KDM3A: variants seen among roughly 807,000 people sequenced by gnomAD.
KDM3A encodes lysine-specific demethylase 3A.
A neutral mutation model predicts 158.0 loss-of-function variants in KDM3A; 60 were observed. The observed-to-expected ratio is 0.38, with a 90% CI of 0.31 to 0.47. The LOEUF (loss-of-function observed/expected upper bound fraction) is 0.47, where lower values mean the gene tolerates loss of function less well. Among genes scored for constraint, KDM3A ranks in the 20% least tolerant of loss-of-function variants. The pLI, the probability that KDM3A is intolerant of heterozygous loss-of-function variation, is 0.99. For missense variants in KDM3A, 1,319 were observed against 1,574.3 expected, an observed-to-expected ratio of 0.84 and a Z score of 2.74; for synonymous variants, 608 against 549.3, an observed-to-expected ratio of 1.11 and a Z score of -1.49.
At chr2:86,483,865 C>T (rs1674056192) in intron 18 of KDM3A, 122 bp from the exon 19 acceptor site, 1 of 764,352 alleles carries the variant, frequency 1.3e-6, no homozygotes, top group Admixed American at 2.9e-5. Flanking sequence ...GTCACATCAC[C>T]ATCTGAGACG....
chr2:86,475,694 A>G (rs1410761542), intron 12 of KDM3A, among the ~76,000 whole-genome samples: 3 of 152,234 alleles, frequency 2.0e-5, no homozygotes, highest in Admixed American at 1.3e-4. Context: ...ACCATGGGGC[A>G]TCTGTCTTGT....
At chr2:86,463,219 AGAAAGGTATAT>A (rs1672996332) in intron 8 of KDM3A, among the ~76,000 whole-genome samples, 1 of 152,204 alleles carries the variant, frequency 6.6e-6, no homozygotes, top group African/African-American at 2.4e-5. Context: ...AAGACGATTG[AGAAAGGTATAT>A]GACTTAAAAA....
At chr2:86,487,246 A>G in intron 21 of KDM3A, 1 of 152,232 alleles carries the variant, frequency 6.6e-6, no homozygotes, top group Non-Finnish European at 1.5e-5. Context: ...CCTAGACACT[A>G]ATAGATGGCA....
chr2:86,441,636 G>T (rs968433004), intron 1 of KDM3A, 192 bp downstream of exon 1: 1 of 150,654 alleles, frequency 6.6e-6, no homozygotes, highest in East Asian at 2.0e-4. Context: ...ACCCTCCCCC[G>T]TGGGGCCGCC....
upstream of KDM3A, chr2:86,440,669 T>C (rs959984652): frequency 6.6e-6 from 1 of 152,258 alleles, no homozygotes; most frequent in Admixed American, 6.5e-5. Flanking sequence ...CTCCACGCCT[T>C]TCTTCATTTA....
intron 2 of KDM3A, 36 bp downstream of exon 2, chr2:86,442,269 T>C: frequency 6.4e-7 from 1 of 1,574,368 alleles, no homozygotes; most frequent in Non-Finnish European, 8.7e-7. Context: ...ACCGGACGTT[T>C]CGCAGTTACC....
At chr2:86,449,704 G>C in intron 2 of KDM3A, 103 bp from the exon 3 acceptor site, 1 of 1,262,496 alleles carries the variant, frequency 7.9e-7, no homozygotes, top group Non-Finnish European at 1.1e-6. Context: ...CCAGATAAAG[G>C]ATTCAAATAG....
At chr2:86,464,769 G>A (rs1019320368) in intron 9 of KDM3A, among the ~76,000 whole-genome samples, 2 of 152,250 alleles carry the variant, frequency 1.3e-5, no homozygotes, top group African/African-American at 4.8e-5. Context: ...AAGGTTGACA[G>A]AGCAAGTAGT....
chr2:86,485,674 A>G, intron 20 of KDM3A, 55 bp from the exon 21 acceptor site: 1 of 1,600,628 alleles, frequency 6.2e-7, no homozygotes, highest in South Asian at 1.1e-5. Flanking sequence ...AGGTTACACA[A>G]TAATGAATTA....
chr2:86,441,920 G>C (rs1044940336), intron 1 of KDM3A, 98 bp from the exon 2 acceptor site: 2 of 950,762 alleles, frequency 2.1e-6, no homozygotes, highest in Non-Finnish European at 3.0e-6. Flanking sequence ...CCGCGTCCTC[G>C]CGCGGGTTCG....
At chr2:86,480,033 C>A in intron 15 of KDM3A, 134 bp from the exon 16 acceptor site, 1 of 675,816 alleles carries the variant, frequency 1.5e-6, no homozygotes, top group Non-Finnish European at 2.6e-6. Flanking sequence ...TGTGGGGATA[C>A]CCAGGGCTAA....
chr2:86,470,451 G>A, intron 11 of KDM3A, 43 bp downstream of exon 11: 2 of 1,508,332 alleles, frequency 1.3e-6, no homozygotes, highest in Non-Finnish European at 1.8e-6. Context: ...GGGCATACTT[G>A]TTATGCTAGA....
chr2:86,489,181 T>C (rs1333306841), intron 21 of KDM3A, 137 bp from the exon 22 acceptor site: 7 of 990,042 alleles, frequency 7.1e-6, no homozygotes, highest in Non-Finnish European at 1.0e-5. Context: ...AAGAATTTTT[T>C]TGCAATAATT....
At chr2:86,474,364 T>C (rs1004497092) in intron 11 of KDM3A, among the ~76,000 whole-genome samples, 2 of 152,148 alleles carry the variant, frequency 1.3e-5, no homozygotes, top group African/African-American at 2.4e-5. Context: ...TTGATTTAAA[T>C]AGTAATTACA....
intron 2 of KDM3A, among the ~76,000 whole-genome samples, chr2:86,442,843 G>A (rs1168474502): frequency 6.6e-6 from 1 of 152,088 alleles, no homozygotes; most frequent in Non-Finnish European, 1.5e-5. Context: ...GGAGGGATGG[G>A]GTGGAGCTGT....
intron 17 of KDM3A, 50 bp from the exon 18 acceptor site, chr2:86,482,408 G>T: frequency 6.3e-7 from 1 of 1,588,776 alleles, no homozygotes; most frequent in Non-Finnish European, 8.5e-7. Context: ...GGAGTTTCTT[G>T]ATGGTAAGGG....
At chr2:86,481,779 T>C in intron 16 of KDM3A, 151 bp from the exon 17 acceptor site, 1 of 623,468 alleles carries the variant, frequency 1.6e-6, no homozygotes, top group Non-Finnish European at 2.8e-6. Flanking sequence ...ATCGTCTAAG[T>C]AAATCATATC....
chr2:86,482,219 GTT>G, intron 17 of KDM3A, 117 bp downstream of exon 17: 7 of 1,272,456 alleles, frequency 5.5e-6, no homozygotes, highest in Non-Finnish European at 7.8e-6. Context: ...ACCTTTGTGG[GTT>G]CAGAAGGCTG....
chr2:86,481,829 A>G (rs1673943876), intron 16 of KDM3A, 101 bp from the exon 17 acceptor site: 1 of 874,226 alleles, frequency 1.1e-6, no homozygotes, highest in Non-Finnish European at 1.8e-6. Flanking sequence ...TTGTTTCAGT[A>G]AATAGAAAGC....
Sources: allele counts gnomAD v4.1 joint callset (sites outside exome capture counted in the v4.1 genomes callset), GRCh38; gene constraint gnomAD v4.1.1; transcripts MANE v1.5; gene names NCBI Gene and HGNC (gene_info 2026-07-23, HGNC 2026-07-21).